KYNU: variants seen among roughly 807,000 people sequenced by gnomAD.
KYNU encodes the protein L-kynurenine hydrolase.
KYNU carries 54 observed loss-of-function variants against 59.2 expected under a neutral mutation model. The observed-to-expected ratio is 0.91, with a 90% confidence interval of 0.73 to 1.14. KYNU has a LOEUF of 1.14. Ranked by LOEUF, KYNU falls within the 50% of genes most tolerant of loss-of-function variation. KYNU has a pLI of 0.00. For missense variants in KYNU, 567 were observed against 554.4 expected (o/e 1.02, Z -0.23); for synonymous variants, 177 against 192.0 (o/e 0.92, Z 0.65).
intron 10 of KYNU, among the ~76,000 whole-genome samples, chr2:143,011,820 A>T (rs1315560841): frequency 1.5e-5 from 2 of 130,152 alleles, no homozygotes; most frequent in East Asian, 2.3e-4. Flanking sequence ...AGAACAAAAA[A>T]CCAAACACCG....
chr2:142,994,347 A>G (rs749285454), intron 10 of KYNU, among the ~76,000 whole-genome samples: 4 of 152,058 alleles, frequency 2.6e-5, no homozygotes, highest in African/African-American at 7.2e-5. Context: ...ATTACTCACA[A>G]CAAACTTCTA....
chr2:142,909,933 T>A (rs1467930893), intron 2 of KYNU, among the ~76,000 whole-genome samples: 3 of 152,170 alleles, frequency 2.0e-5, no homozygotes, highest in Non-Finnish European at 4.4e-5. Context: ...TGTATAAGTG[T>A]TTTATTTCTT....
chr2:143,032,711 TTG>T (rs61062901), intron 11 of KYNU, among the ~76,000 whole-genome samples: 7 of 129,450 alleles, frequency 5.4e-5, no homozygotes, highest in East Asian at 4.4e-4. Flanking sequence ...GCTCCCTCTA[TTG>T]TGTGTGTGTG....
At chr2:143,023,543 T>C (rs1339103074) in intron 10 of KYNU, among the ~76,000 whole-genome samples, 1 of 151,902 alleles carries the variant, frequency 6.6e-6, no homozygotes, top group Non-Finnish European at 1.5e-5. Context: ...GATATTTCTC[T>C]CTCCTTATAG....
At chr2:142,989,334 T>C in intron 10 of KYNU, 3 of 1,013,656 alleles carry the variant, frequency 3.0e-6, no homozygotes, top group Non-Finnish European at 3.6e-6. Context: ...ACTTTTCTGT[T>C]CTCTTAGAGC....
At chr2:142,956,139 C>T (rs1684155502) in intron 5 of KYNU, 64 bp from the exon 6 acceptor site, 2 of 892,866 alleles carry the variant, frequency 2.2e-6, no homozygotes, top group South Asian at 1.4e-5. Flanking sequence ...GATAGTGTGA[C>T]ATAAAATGAA....
intron 2 of KYNU, among the ~76,000 whole-genome samples, chr2:142,909,560 T>G (rs1682412822): frequency 6.6e-6 from 1 of 152,208 alleles, no homozygotes. Flanking sequence ...AGTATGCAGT[T>G]CTCTGATCAT....
chr2:142,962,198 C>T (rs1684378092), intron 8 of KYNU, among the ~76,000 whole-genome samples: 1 of 152,182 alleles, frequency 6.6e-6, no homozygotes, highest in African/African-American at 2.4e-5. Flanking sequence ...ATTAACCTTC[C>T]TAGACATGAG....
At chr2:143,040,386 A>T in intron 12 of KYNU, 42 bp from the exon 13 acceptor site, 1 of 1,479,914 alleles carries the variant, frequency 6.8e-7, no homozygotes, top group Non-Finnish European at 9.4e-7. Context: ...CTTCTTTGTA[A>T]ATCAATAAGA....
chr2:142,965,164 C>T (rs544184313), intron 8 of KYNU, among the ~76,000 whole-genome samples: 18 of 152,264 alleles, frequency 1.2e-4, no homozygotes, highest in Admixed American at 5.2e-4. Context: ...CCACTACATC[C>T]GGATGTCCTA....
chr2:142,971,697 C>G (rs1020173316), intron 8 of KYNU, among the ~76,000 whole-genome samples: 1 of 152,132 alleles, frequency 6.6e-6, no homozygotes, highest in Non-Finnish European at 1.5e-5. Context: ...TAAATACATA[C>G]CTGCTAGACA....
intron 7 of KYNU, 120 bp from the exon 8 acceptor site, chr2:142,960,504 A>G (rs1164638178): frequency 1.3e-6 from 1 of 799,926 alleles, no homozygotes; most frequent in Non-Finnish European, 1.9e-6. Context: ...AAGAACCTTA[A>G]TCTGAAAAAA....
chr2:142,921,379 T>C (rs1460115595), intron 3 of KYNU, among the ~76,000 whole-genome samples: 2 of 152,188 alleles, frequency 1.3e-5, no homozygotes, highest in African/African-American at 4.8e-5. Flanking sequence ...TAAGTTTAGA[T>C]AAATTTCTTT....
chr2:142,958,985 G>A (rs1684255298), intron 7 of KYNU, among the ~76,000 whole-genome samples: 1 of 152,012 alleles, frequency 6.6e-6, no homozygotes, highest in African/African-American at 2.4e-5. Flanking sequence ...TTTATATAAA[G>A]TATACTTCAC....
rs551405930 is a variant in KYNU at position 142,947,436 on chromosome 2, A to T, written c.374-7374A>T. ...AATGTCCCAAACAGCGCTTCCCTGG[A>T]TATTGCTGTTTCTTTAAAAGCCTTT... On this transcript the variant is annotated intron_variant, in intron 4 of 13. Coordinates refer to ENST00000264170, the MANE Select transcript of KYNU (RefSeq NM_003937.3). The T allele has an allele frequency of 6.1e-6, 3 of 488,520 alleles. No individual in the cohort carries two copies. The Admixed American group carries it at 1.0e-4, about 16-fold the overall frequency. The allele number at this position is 488,520 out of a possible 1,614,324, so 30.3% of individuals were successfully genotyped here. A position where few individuals can be genotyped will look rare whatever the true frequency, so the allele number is the denominator to read the frequency against.
At chr2:142,964,115 G>A (rs1310245049) in intron 8 of KYNU, among the ~76,000 whole-genome samples, 1 of 144,614 alleles carries the variant, frequency 6.9e-6, no homozygotes, top group Non-Finnish European at 1.5e-5. Context: ...CAGTACTTTT[G>A]TTTGTTTTTT....
At chr2:142,916,963 G>T (rs1282470758) in intron 2 of KYNU, among the ~76,000 whole-genome samples, 2 of 152,120 alleles carry the variant, frequency 1.3e-5, no homozygotes, top group Non-Finnish European at 2.9e-5. Context: ...GAGGACCATT[G>T]AGAAACTGCA....
chr2:142,887,687 A>G (rs963090890), intron 2 of KYNU, among the ~76,000 whole-genome samples: 3 of 152,228 alleles, frequency 2.0e-5, no homozygotes, highest in Admixed American at 2.0e-4. Flanking sequence ...GTGTAATTCC[A>G]ATTATACCAA....
chr2:142,918,695 T>G lies in KYNU; in HGVS notation c.256T>G (p.Tyr86Asp). Residue 86 changes from tyrosine to aspartate, a missense_variant, in exon 3 of 14, where the codon TAT becomes GAT. Transcript: ENST00000264170. ...LGLQPKMVKT[Y>D]LEEELDKWAK... ...CCTTCAACCAAAAATGGTTAAAACA[T>G]ATCTTGAAGAAGAACTAGATAAGTG... The G allele has an allele frequency of 6.2e-7, 1 of 1,612,404 alleles. No individual in the cohort carries two copies. Among genetic ancestry groups the G allele is most frequent in the Non-Finnish European group, 8.5e-7 (1 of 1,179,108 alleles).
Sources: allele counts gnomAD v4.1 joint callset (sites outside exome capture counted in the v4.1 genomes callset), GRCh38; gene constraint gnomAD v4.1.1; transcripts MANE v1.5; gene names NCBI Gene and HGNC (gene_info 2026-07-23, HGNC 2026-07-21).